Variants in EVA1C observed in about 807,000 individuals in gnomAD.
EVA1C encodes the protein eva-1 homolog C.
EVA1C carries 25 observed loss-of-function variants against 45.4 expected under a neutral mutation model. The ratio of observed to expected loss-of-function variants is 0.55; its 90% CI spans 0.40 to 0.77. EVA1C has a LOEUF of 0.77. Ranked by LOEUF, EVA1C falls within the 30% of genes least tolerant of loss-of-function variation. The pLI, the probability that EVA1C is intolerant of heterozygous loss-of-function variation, is 0.00. For missense variants in EVA1C, 479 were observed against 554.8 expected, an observed-to-expected ratio of 0.86 and a Z score of 1.37; for synonymous variants, 190 against 221.2, an observed-to-expected ratio of 0.86 and a Z score of 1.25.
intron 7 of EVA1C, among the ~76,000 whole-genome samples, chr21:32,508,394 C>A (rs1268024875): frequency 6.6e-6 from 1 of 152,178 alleles, no homozygotes; most frequent in East Asian, 1.9e-4. Flanking sequence ...AGGCTTGCAG[C>A]CTGGGATGTC....
intron 2 of EVA1C, among the ~76,000 whole-genome samples, chr21:32,456,569 C>T (rs1380275502): frequency 2.0e-5 from 3 of 152,136 alleles, no homozygotes; most frequent in East Asian, 1.9e-4. Flanking sequence ...GGATACCTGG[C>T]GGGGCCAGCA....
intron 4 of EVA1C, among the ~76,000 whole-genome samples, chr21:32,483,896 G>T (rs1013515144): frequency 6.6e-6 from 1 of 151,960 alleles, no homozygotes; most frequent in South Asian, 2.1e-4. Context: ...AGGGTGGTAT[G>T]GCCGTAGACG....
intron 4 of EVA1C, among the ~76,000 whole-genome samples, chr21:32,476,128 C>T (rs2036554730): frequency 6.6e-6 from 1 of 151,870 alleles, no homozygotes; most frequent in Non-Finnish European, 1.5e-5. Flanking sequence ...CACCTTGTCT[C>T]TCTAGCTTTT....
intron 1 of EVA1C, among the ~76,000 whole-genome samples, chr21:32,443,172 C>A (rs145687833): frequency 3.3e-5 from 5 of 151,988 alleles, no homozygotes; most frequent in African/African-American, 7.3e-5. Context: ...GGGCTGGCCG[C>A]GAGTGTAATT....
At position 32,466,812 on chromosome 21, in the gene EVA1C, C is replaced by T. The variant is rs139298789; in HGVS notation, c.482-884C>T. On this transcript the variant is annotated intron_variant, in intron 3 of 7. Coordinates refer to ENST00000300255, the MANE Select transcript of EVA1C (RefSeq NM_058187.5). Reference sequence around the variant, plus strand: ...GGAAATGATTTGATTTGGTATCATACCATCTTTCTTGCTTTTTTTTTTTTT... The same window carrying T: ...GGAAATGATTTGATTTGGTATCATATCATCTTTCTTGCTTTTTTTTTTTTT... 6.7e-3 allele frequency among the ~76,000 whole-genome samples: 974 copies of T among 145,416 alleles called. 17 individuals carry two copies. Among genetic ancestry groups the T allele is most frequent in the Admixed American group, 0.039 (541 of 13,872 alleles).
At chr21:32,423,227 CA>C (rs2034358342) in intron 1 of EVA1C, among the ~76,000 whole-genome samples, 1 of 152,026 alleles carries the variant, frequency 6.6e-6, no homozygotes, top group African/African-American at 2.4e-5. Flanking sequence ...CTTTTGATAG[CA>C]AAAGTCATGA....
At chr21:32,469,793 G>C (rs1354203252) in intron 4 of EVA1C, among the ~76,000 whole-genome samples, 1 of 152,162 alleles carries the variant, frequency 6.6e-6, no homozygotes, top group Non-Finnish European at 1.5e-5. Context: ...GGAAACCTCG[G>C]TCTTCGCTTC....
rs550626013 is a variant in EVA1C, at chr21:32,447,781, C to T, written c.161-5531C>T. On this transcript the variant is annotated intron_variant, in intron 1 of 7. Coordinates refer to ENST00000300255, the MANE Select transcript of EVA1C (RefSeq NM_058187.5). ...CGTGCAATGGCGCGATCTCAGCTCA[C>T]TGCAACCTCTACCTCCCAGATTCAA... Among the ~76,000 whole-genome samples the T allele has an allele frequency of 2.0e-5, 3 of 152,306 alleles. No homozygotes were observed. The South Asian group carries it at 6.2e-4, about 32-fold the overall frequency.
intron 1 of EVA1C, among the ~76,000 whole-genome samples, chr21:32,418,468 G>A (rs2034139002): frequency 1.3e-5 from 2 of 152,180 alleles, no homozygotes; most frequent in African/African-American, 4.8e-5. Flanking sequence ...TATTGGAAAG[G>A]GGAGCCTAGC....
At chr21:32,502,024 CTTTCTTTCTTTCTTTCT>C (rs2037561353) in intron 6 of EVA1C, among the ~76,000 whole-genome samples, 2 of 132,374 alleles carry the variant, frequency 1.5e-5, no homozygotes, top group Admixed American at 7.9e-5. Context: ...TTCTTTCTTT[CTTTCTTTCTTTCTTTCT>C]TTCTTTCTTT....
chr21:32,479,857 T>TTTC (rs2036713895), intron 4 of EVA1C, among the ~76,000 whole-genome samples: 1 of 151,742 alleles, frequency 6.6e-6, no homozygotes, highest in Non-Finnish European at 1.5e-5. Context: ...CTTTTTTTTT[T>TTTC]TTCTTCTTCT....
chr21:32,513,861 C>T (rs935027610), intron 7 of EVA1C, among the ~76,000 whole-genome samples: 2 of 152,120 alleles, frequency 1.3e-5, no homozygotes, highest in African/African-American at 4.8e-5. Flanking sequence ...TTTTATATTA[C>T]AGTTGGCCTT....
In EVA1C at chr21:32,454,609, T is replaced by TTG. The variant is rs2035711148; in HGVS notation, c.357+1102_357+1103insGT. ...GAGTCACTTGGCCTTGGATTTTTTTTTTTATGCCTCCCAAGTTCCATATGA... is the reference window on the plus strand; with the variant it reads ...GAGTCACTTGGCCTTGGATTTTTTTTTGTTTATGCCTCCCAAGTTCCATATGA... On this transcript the variant is annotated intron_variant, in intron 2 of 7. Transcript: ENST00000300255. 2.6e-5 allele frequency among the ~76,000 whole-genome samples: 4 copies of TTG among 152,108 alleles called. No homozygotes were observed. The South Asian group carries it at 8.3e-4, about 32-fold the overall frequency.
intron 1 of EVA1C, among the ~76,000 whole-genome samples, chr21:32,413,913 G>A (rs2033931752): frequency 6.6e-6 from 1 of 152,180 alleles, no homozygotes; most frequent in Admixed American, 6.5e-5. Context: ...TCCTTCTCCA[G>A]GGATCTTCTG....
chr21:32,501,517 C>A (rs1382909312), intron 6 of EVA1C, 22 bp downstream of exon 6: 8 of 1,592,208 alleles, frequency 5.0e-6, no homozygotes, highest in Middle Eastern at 2.3e-4. Context: ...GGCTTACTAC[C>A]AGCATTTCTC....
At chr21:32,448,123 T>G (rs1456620705) in intron 1 of EVA1C, among the ~76,000 whole-genome samples, 2 of 152,258 alleles carry the variant, frequency 1.3e-5, no homozygotes, top group South Asian at 2.1e-4. Flanking sequence ...TTGTTCTAAT[T>G]GTCCTTCTTC....
At chr21:32,477,274 C>T (rs1169799829) in intron 4 of EVA1C, among the ~76,000 whole-genome samples, 1 of 152,090 alleles carries the variant, frequency 6.6e-6, no homozygotes, top group Non-Finnish European at 1.5e-5. Flanking sequence ...CCTCAAGGTC[C>T]CCCCAACTCG....
intron 1 of EVA1C, among the ~76,000 whole-genome samples, chr21:32,449,569 T>C (rs1436289954): frequency 6.6e-6 from 1 of 152,204 alleles, no homozygotes; most frequent in Non-Finnish European, 1.5e-5. Flanking sequence ...TAGTGCTAAA[T>C]AACATTCCAT....
At chr21:32,425,334 CA>C (rs60224656) in intron 1 of EVA1C, among the ~76,000 whole-genome samples, 3,115 of 57,622 alleles carry the variant, frequency 0.054, 79 homozygotes, top group African/African-American at 0.16. Context: ...GACTCCATCT[CA>C]AAAAAAAAAA....
Sources: allele counts gnomAD v4.1 joint callset (sites outside exome capture counted in the v4.1 genomes callset), GRCh38; gene constraint gnomAD v4.1.1; transcripts MANE v1.5; gene names NCBI Gene and HGNC (gene_info 2026-07-23, HGNC 2026-07-21).